TRIOBP: variants seen among roughly 807,000 people sequenced by gnomAD.
TRIOBP encodes TRIO and F-actin binding protein, also known as TRIO and F-actin-binding protein.
A neutral mutation model predicts 238.8 loss-of-function variants in TRIOBP; 169 were observed. The observed-to-expected ratio is 0.71, with a 90% CI of 0.62 to 0.80. TRIOBP has a LOEUF of 0.80. Among genes scored for constraint, TRIOBP ranks in the 30% least tolerant of loss-of-function variants. The pLI is 0.00. For synonymous variants in TRIOBP, 1,150 were observed against 1,274.4 expected, an observed-to-expected ratio of 0.90 and a Z score of 2.08; for missense variants, 2,838 against 3,122.6, an observed-to-expected ratio of 0.91 and a Z score of 2.17.
Position 37,768,164 on chromosome 22 carries a change from G to A in TRIOBP, c.6563G>A (p.Arg2188Gln), listed in dbSNP as rs34138461. 5.0e-5 allele frequency: 80 copies of A among 1,612,002 alleles called. No homozygotes were observed. The highest frequency in any genetic ancestry group is 2.5e-4 in the African/African-American group (19 of 74,872). The change falls in exon 19 of 24, where the codon CGG becomes CAG. Residue 2188 changes from arginine to glutamine, a missense_variant. Physicochemically the swap from Arg to Gln is conservative, Grantham distance 43 (BLOSUM62 1). Around this residue, in one of 5 missense-constraint regions of TRIOBP, gnomAD observed 2,096 missense variants for 2,137.4 expected, o/e 0.98. Transcript: ENST00000644935. ...CTCCAGCAGGGCCCGGATGGCCTCC[G>A]GAAGCAGCACCAGTAAGATGATGCC... ...RSLQQGPDGL[R>Q]KQHQSDVEAL...
intron 7 of TRIOBP, among the ~76,000 whole-genome samples, chr22:37,730,933 C>T (rs1444498838): frequency 1.2e-4 from 15 of 126,632 alleles, no homozygotes; most frequent in East Asian, 2.2e-4. Context: ...GGTGACAGAG[C>T]GAGACTCCAT....
intron 2 of TRIOBP, among the ~76,000 whole-genome samples, chr22:37,699,270 T>C (rs1922519345): frequency 6.6e-6 from 1 of 152,180 alleles, no homozygotes; most frequent in Non-Finnish European, 1.5e-5. Flanking sequence ...TCCTCAACTC[T>C]GAAAATACCT....
intron 5 of TRIOBP, among the ~76,000 whole-genome samples, 197 bp downstream of exon 5, chr22:37,713,608 G>A (rs988717647): frequency 6.6e-6 from 1 of 152,260 alleles, no homozygotes; most frequent in African/African-American, 2.4e-5. Context: ...GGCTGGCCCA[G>A]GGCAGCTGGG....
At chr22:37,699,133 G>C (rs1922512416) in intron 2 of TRIOBP, among the ~76,000 whole-genome samples, 2 of 152,188 alleles carry the variant, frequency 1.3e-5, no homozygotes, top group Non-Finnish European at 2.9e-5. Flanking sequence ...CTAGGTGACA[G>C]AGAGAGACTT....
Position 37,774,279 on chromosome 22 carries a change from C to A in TRIOBP, c.*499C>A, listed in dbSNP as rs1003060621. On this transcript the variant is annotated 3_prime_UTR_variant, in exon 24 of 24. Transcript: ENST00000644935. ...CAGCAGCCATGGCGGGGTGTCTCTA[C>A]AGGGGAGAGGCGGGAGCCTGCCACC... The A allele has an allele frequency of 2.6e-5, 4 of 152,508 alleles. No homozygotes were observed. The highest frequency in any genetic ancestry group is 9.7e-5 in the African/African-American group (4 of 41,408). The allele number at this position is 152,508 out of a possible 1,614,324, so 9.4% of individuals were successfully genotyped here.
rs757841253 is a variant in TRIOBP, at chr22:37,724,943, C to T, written c.2387C>T (p.Ala796Val). Residue 796 changes from alanine to valine, a missense_variant, in exon 7 of 24, where the codon GCC becomes GTC. Transcript: ENST00000644935. ...CGAGACAACCCCAGAACATCCTGTG[C>T]CCAGCGGGACAATCTCAGAGCCTCC... ...ATRDNPRTSC[A>V]QRDNLRASSP... 4.6e-5 allele frequency: 75 copies of T among 1,613,842 alleles called. No homozygotes were observed. Among genetic ancestry groups the T allele is most frequent in the Non-Finnish European group, 6.2e-5 (73 of 1,179,992 alleles).
chr22:37,754,514 G>C (rs1419940230), intron 12 of TRIOBP, among the ~76,000 whole-genome samples: 1 of 151,672 alleles, frequency 6.6e-6, no homozygotes, highest in Non-Finnish European at 1.5e-5. Flanking sequence ...CATTGTCCCT[G>C]ACCATGGTGA....
In TRIOBP at chr22:37,772,617, C is replaced by T. The variant is rs1027682283; in HGVS notation, c.6953C>T (p.Ser2318Leu). The stretch of plus-strand genomic sequence containing the variant: ...GCCCCCCAGGACAAGCGCTTCACCT[C>T]GGGAAAGTACCAGGACGTCTATGTG... ...QMMQKDKRFT[S>L]GKYQDVYVEL... is the part of the protein sequence containing the mutation. The change falls in exon 23 of 24, where the codon TCG becomes TTG. Residue 2318 changes from serine (S) to leucine (L), a missense_variant. This residue lies in a region of TRIOBP where 2,096 missense variants were observed against 2,137.4 expected (regional missense o/e 0.98). Coordinates refer to ENST00000644935, the MANE Select transcript of TRIOBP (RefSeq NM_001039141.3). The T allele has an allele frequency of 5.0e-6, 8 of 1,613,964 alleles. No homozygotes were observed. Among genetic ancestry groups the T allele is most frequent in the Admixed American group, 3.3e-5 (2 of 60,010 alleles).
At chr22:37,768,351 CACAG>C in intron 19 of TRIOBP, among the ~76,000 whole-genome samples, 175 bp downstream of exon 19, 1 of 152,346 alleles carries the variant, frequency 6.6e-6, no homozygotes, top group Non-Finnish European at 1.5e-5. Flanking sequence ...TGCCAGTCCT[CACAG>C]ACAGTCCTTC....
chr22:37,766,330 C>CT (rs754370815), intron 18 of TRIOBP, among the ~76,000 whole-genome samples: 16 of 152,370 alleles, frequency 1.1e-4, no homozygotes, highest in Non-Finnish European at 1.9e-4. Context: ...CGCACACCTG[C>CT]TGTGTGCCTG....
chr22:37,770,209 C>T (rs1463111899), intron 21 of TRIOBP, among the ~76,000 whole-genome samples: 1 of 149,662 alleles, frequency 6.7e-6, no homozygotes, highest in Non-Finnish European at 1.5e-5. Flanking sequence ...GAGGCCGAGG[C>T]GGGCAGATCA....
intron 11 of TRIOBP, among the ~76,000 whole-genome samples, chr22:37,746,052 T>C (rs1217687031): frequency 1.1e-4 from 14 of 123,252 alleles, no homozygotes; most frequent in African/African-American, 4.0e-4. Context: ...CACCCCGCCG[T>C]CCCGCCGTCC....
At chr22:37,721,588 C>T (rs756934406) in intron 6 of TRIOBP, among the ~76,000 whole-genome samples, 9 of 152,200 alleles carry the variant, frequency 5.9e-5, no homozygotes, top group East Asian at 1.9e-4. Context: ...GGCACTCCTC[C>T]GGCCTCAGCC....
intron 3 of TRIOBP, among the ~76,000 whole-genome samples, chr22:37,704,576 T>C (rs1158720776): frequency 6.6e-6 from 1 of 151,992 alleles, no homozygotes; most frequent in Non-Finnish European, 1.5e-5. Context: ...TGCACATGAT[T>C]ATTTAATCTT....
At chr22:37,728,639 C>A (rs905466317) in intron 7 of TRIOBP, among the ~76,000 whole-genome samples, 1 of 152,114 alleles carries the variant, frequency 6.6e-6, no homozygotes, top group Non-Finnish European at 1.5e-5. Context: ...ACAGCCTCTC[C>A]CACTACCAAT....
intron 21 of TRIOBP, among the ~76,000 whole-genome samples, chr22:37,770,722 A>G (rs1186191299): frequency 6.9e-6 from 1 of 144,756 alleles, no homozygotes; most frequent in Non-Finnish European, 1.5e-5. Context: ...TCACTCTGTC[A>G]CCCAGGCTGG....
At chr22:37,731,928 C>T (rs945802104) in intron 7 of TRIOBP, among the ~76,000 whole-genome samples, 7 of 152,204 alleles carry the variant, frequency 4.6e-5, no homozygotes, top group African/African-American at 1.4e-4. Flanking sequence ...CAGCATGGCT[C>T]CTCAGGCACA....
Position 37,734,645 on chromosome 22 carries a change from C to A in TRIOBP, c.4309C>A (p.Gln1437Lys). The A allele has an allele frequency of 6.3e-7, 1 of 1,593,348 alleles. No individual in the cohort carries two copies. The highest frequency in any genetic ancestry group is 2.3e-5 in the East Asian group (1 of 43,796). ...WQSQEEPPGS[Q>K]GPHRHLERSW... ...GAGTCAGGAGGAACCGCCAGGGTCC[C>A]AGGGCCCTCATAGACACCTAGAAAG... Residue 1437 changes from glutamine to lysine, a missense_variant, in exon 9 of 24, where the codon CAG (glutamine) becomes AAG (lysine). Transcript: ENST00000644935.
chr22:37,737,083 C>T (rs959358005), intron 9 of TRIOBP, among the ~76,000 whole-genome samples: 1 of 152,216 alleles, frequency 6.6e-6, no homozygotes, highest in African/African-American at 2.4e-5. Context: ...TCAGCTCGTC[C>T]TGCCCTCAGA....
Sources: gnomAD v4.1 joint callset for allele counts (sites outside exome capture counted in the v4.1 genomes callset) on GRCh38, gnomAD v4.1.1 for gene constraint, gnomAD v4.1.1 regional missense constraint, MANE v1.5 for transcripts, NCBI Gene and HGNC (gene_info 2026-07-23, HGNC 2026-07-21) for gene names.